Variants in UTRN observed in about 807,000 individuals in gnomAD.
UTRN encodes the protein dystrophin-related protein 1.
Under a neutral mutation model 463.9 loss-of-function variants are expected in UTRN, and 283 were observed. The observed-to-expected ratio is 0.61, with a 90% CI of 0.55 to 0.67. UTRN has a LOEUF of 0.67. UTRN is among the 30% of genes least tolerant of loss of function. The probability of loss-of-function intolerance (pLI) is 0.00; values close to 1 mark genes in which losing one functional copy is unlikely to be tolerated. For synonymous variants in UTRN, 1,442 were observed against 1,431.5 expected, an observed-to-expected ratio of 1.01 and a Z score of -0.17; for missense variants, 3,922 against 4,084.3, an observed-to-expected ratio of 0.96 and a Z score of 1.08.
chr6:144,846,923 T>G (rs1782070106), intron 74 of UTRN, 96 bp downstream of exon 74: 1 of 1,491,718 alleles, frequency 6.7e-7, no homozygotes, highest in Admixed American at 1.7e-5. Context: ...TTATTCTCCA[T>G]GTAAATAAGT....
chr6:144,462,374 T>A (rs1289164799), intron 22 of UTRN, among the ~76,000 whole-genome samples: 9 of 152,164 alleles, frequency 5.9e-5, no homozygotes, highest in Admixed American at 1.3e-4. Flanking sequence ...ATGAACATAG[T>A]GTGCATATAT....
At chr6:144,593,812 A>G (rs1803364464) in intron 51 of UTRN, among the ~76,000 whole-genome samples, 1 of 152,228 alleles carries the variant, frequency 6.6e-6, no homozygotes, top group African/African-American at 2.4e-5. Context: ...CCAGCTATGT[A>G]TGCCAGATCT....
At chr6:144,766,651 G>A (rs1396724431) in intron 58 of UTRN, among the ~76,000 whole-genome samples, 1 of 151,982 alleles carries the variant, frequency 6.6e-6, no homozygotes, top group Non-Finnish European at 1.5e-5. Context: ...GAGAAAAGTT[G>A]GAAGCCAAAC....
chr6:144,621,857 G>A (rs1219915262), intron 51 of UTRN, among the ~76,000 whole-genome samples: 2 of 151,970 alleles, frequency 1.3e-5, no homozygotes, highest in Non-Finnish European at 2.9e-5. Context: ...TTCTTCCTAC[G>A]CCTTCTCTTT....
At chr6:144,405,325 A>G (rs1783292550) in intron 3 of UTRN, among the ~76,000 whole-genome samples, 2 of 152,152 alleles carry the variant, frequency 1.3e-5, no homozygotes, top group South Asian at 4.1e-4. Flanking sequence ...CTGTCTTAAG[A>G]CCATAAGTTG....
chr6:144,535,474 T>A (rs1797448445), intron 43 of UTRN, among the ~76,000 whole-genome samples: 1 of 152,082 alleles, frequency 6.6e-6, no homozygotes, highest in Admixed American at 6.5e-5. Flanking sequence ...ATCTGTGGAG[T>A]GTGGTAATTA....
At chr6:144,553,215 T>A (rs569936923) in intron 48 of UTRN, among the ~76,000 whole-genome samples, 201 of 152,268 alleles carry the variant, frequency 1.3e-3, no homozygotes, top group Non-Finnish European at 2.3e-3. Flanking sequence ...TTTTTATATT[T>A]TTAGTAGAGA....
chr6:144,508,444 G>T (rs888480601), intron 34 of UTRN, among the ~76,000 whole-genome samples: 2 of 152,062 alleles, frequency 1.3e-5, no homozygotes, highest in African/African-American at 4.8e-5. Context: ...TAGTATCTTG[G>T]CTGGATAGCA....
intron 3 of UTRN, among the ~76,000 whole-genome samples, chr6:144,420,035 A>G (rs1422159306): frequency 6.6e-6 from 1 of 152,128 alleles, no homozygotes. Context: ...GAAGGAAGGA[A>G]GGAATAATGC....
At position 144,329,615 on chromosome 6, in the gene UTRN, GGT is replaced by G. The variant is rs772713386; in HGVS notation, c.79+37710_79+37711del. On this transcript the variant is annotated intron_variant, in intron 2 of 74. Coordinates refer to ENST00000367545, the MANE Select transcript of UTRN (RefSeq NM_007124.3). ...TGTGAAAATGGTTATGATTTTTGCT[GGT>G]GACACAGTCAAAGCTACCACTAATA... Among the ~76,000 whole-genome samples the G allele has an allele frequency of 1.2e-3, 184 of 152,240 alleles. 3 individuals are homozygous for G. The highest frequency in any genetic ancestry group is 3.4e-3 in the Middle Eastern group (1 of 294).
chr6:144,780,636 TA>T (rs1459533154), intron 60 of UTRN, among the ~76,000 whole-genome samples: 1 of 152,126 alleles, frequency 6.6e-6, no homozygotes, highest in African/African-American at 2.4e-5. Context: ...ATGAAAGACT[TA>T]AAATTGATTA....
intron 2 of UTRN, chr6:144,344,453 C>G: frequency 1.4e-5 from 13 of 921,688 alleles, no homozygotes; most frequent in African/African-American, 3.5e-5. Flanking sequence ...TTCCTGCTGC[C>G]ACGTCTGTTG....
chr6:144,290,610 A>C (rs906925929), intron 1 of UTRN, among the ~76,000 whole-genome samples: 6 of 152,234 alleles, frequency 3.9e-5, no homozygotes, highest in Non-Finnish European at 7.3e-5. Context: ...ATTCTCAGAC[A>C]TACAGAAGAG....
In UTRN at chr6:144,286,997, C is replaced by T. The variant is rs1167661836; in HGVS notation, c.-93+1176C>T. Among the ~76,000 whole-genome samples the T allele has an allele frequency of 6.6e-6, 1 of 151,884 alleles. No individual in the cohort carries two copies. The highest frequency in any genetic ancestry group is 2.4e-5 in the African/African-American group (1 of 41,392). On this transcript the variant is annotated intron_variant, in intron 1 of 74. Transcript: ENST00000367545. The surrounding 1 kb of genome is among the most constrained non-coding windows in gnomAD (Gnocchi z 4.4). ...AGAGCGCGCGGAGCTCGGGGGAGGC[C>T]GGATTCCCTAGGTCTGAGCCGACCC...
chr6:144,548,605 G>T, intron 46 of UTRN, 35 bp from the exon 47 acceptor site: 2 of 1,582,110 alleles, frequency 1.3e-6, no homozygotes, highest in South Asian at 2.2e-5. Flanking sequence ...ACATCCTGTT[G>T]ATTAATTTCT....
intron 4 of UTRN, among the ~76,000 whole-genome samples, chr6:144,422,729 G>A (rs1237524366): frequency 1.3e-5 from 2 of 151,960 alleles, no homozygotes; most frequent in African/African-American, 4.8e-5. Context: ...TTATGTGTGG[G>A]GTACTCCAAA....
intron 9 of UTRN, among the ~76,000 whole-genome samples, chr6:144,430,518 A>G (rs960611752): frequency 2.6e-5 from 4 of 152,168 alleles, no homozygotes; most frequent in Non-Finnish European, 4.4e-5. Flanking sequence ...CATTTCAGAG[A>G]GAAAGAAAGC....
At chr6:144,714,900 C>A (rs1786216550) in intron 53 of UTRN, among the ~76,000 whole-genome samples, 1 of 151,508 alleles carries the variant, frequency 6.6e-6, no homozygotes, top group Non-Finnish European at 1.5e-5. Flanking sequence ...TTCTAGAACA[C>A]CGCACTCTCC....
chr6:144,544,779 C>T (rs1320537170), intron 46 of UTRN, among the ~76,000 whole-genome samples: 2 of 152,120 alleles, frequency 1.3e-5, no homozygotes, highest in African/African-American at 4.8e-5. Context: ...ACTTTACACA[C>T]TTCCTTCCTA....
Sources: gnomAD v4.1 joint callset for allele counts (sites outside exome capture counted in the v4.1 genomes callset) on GRCh38, gnomAD v4.1.1 for gene constraint, Gnocchi (gnomAD v3.1) non-coding constraint, MANE v1.5 for transcripts, NCBI Gene and HGNC (gene_info 2026-07-23, HGNC 2026-07-21) for gene names.